Variants in TTLL4 observed in about 807,000 individuals in gnomAD.
TTLL4 encodes the protein tubulin monoglutamylase TTLL4.
In TTLL4, 85 loss-of-function variants were observed where a neutral mutation model predicts 122.7. The ratio of observed to expected loss-of-function variants is 0.69; its 90% CI spans 0.58 to 0.83. The LOEUF (loss-of-function observed/expected upper bound fraction) is 0.83. Ranked by LOEUF, TTLL4 falls within the 40% of genes least tolerant of loss-of-function variation. The pLI is 0.00. For synonymous variants in TTLL4, 553 were observed against 563.0 expected, an observed-to-expected ratio of 0.98 and a Z score of 0.25; for missense variants, 1,363 against 1,488.6, an observed-to-expected ratio of 0.92 and a Z score of 1.39.
chr2:218,747,129 C>T lies in TTLL4; in HGVS notation c.2101C>T (p.Gln701Ter). The T allele has an allele frequency of 6.2e-7, 1 of 1,614,208 alleles. No individual in the cohort carries two copies. Among genetic ancestry groups the T allele is most frequent in the Non-Finnish European group, 8.5e-7 (1 of 1,180,036 alleles). The stretch of plus-strand genomic sequence containing the variant: ...CTTCCCCCAGTCCTTTATCCTGCCC[C>T]AGGACGCCAAGCTCCTGCGCAAAGC... The part of the protein sequence containing the change: ...SFFPQSFILP[Q>*]DAKLLRKAWE... The change falls in exon 9 of 20, where the codon CAG becomes TAG. Residue 701 changes from glutamine (Q) to a stop codon, truncating the protein, a stop_gained. Coordinates refer to ENST00000392102, the MANE Select transcript of TTLL4 (RefSeq NM_014640.5). LOFTEE classifies it high-confidence loss of function. This position sits in a 1 kb window ranked among gnomAD's most constrained non-coding sequence, Gnocchi z 4.7.
At position 218,751,741 on chromosome 2, in the gene TTLL4, C is replaced by G. The variant is rs767398939; in HGVS notation, c.2911C>G (p.Pro971Ala). The change falls in exon 16 of 20, where the codon CCA becomes GCA. Residue 971 changes from proline (P) to alanine (A), a missense_variant. Coordinates refer to ENST00000392102, the MANE Select transcript of TTLL4 (RefSeq NM_014640.5). Reference sequence around the variant, plus strand: ...CCCTGGGGACAAATGTCGAATGGCTCCAGAGCATGTCACTGCACAGAAGAT... The same window carrying G: ...CCCTGGGGACAAATGTCGAATGGCTGCAGAGCATGTCACTGCACAGAAGAT... Reference protein sequence around the residue: ...TSPGDKCRMAPEHVTAQKMKK... With the variant: ...TSPGDKCRMAAEHVTAQKMKK... 6.2e-7 allele frequency: 1 copy of G among 1,613,660 alleles called. No homozygotes were observed. Among genetic ancestry groups the G allele is most frequent in the Non-Finnish European group, 8.5e-7 (1 of 1,179,724 alleles).
At chr2:218,732,987 G>A (rs1352510075) in intron 2 of TTLL4, among the ~76,000 whole-genome samples, 2 of 152,188 alleles carry the variant, frequency 1.3e-5, no homozygotes, top group African/African-American at 4.8e-5. Flanking sequence ...CATTCTTGAA[G>A]TTACTCTCTG....
chr2:218,734,596 C>T (rs1199318288), intron 2 of TTLL4, among the ~76,000 whole-genome samples: 1 of 152,084 alleles, frequency 6.6e-6, no homozygotes, highest in East Asian at 1.9e-4. Flanking sequence ...CCAGGAACAG[C>T]ACTTGTAAGG....
At chr2:218,748,043 T>C (rs767435534) in intron 11 of TTLL4, 62 bp from the exon 12 acceptor site, 8 of 1,603,982 alleles carry the variant, frequency 5.0e-6, no homozygotes, top group Non-Finnish European at 6.0e-6. Context: ...GGGAAATGTT[T>C]GGCCCCTTCT....
chr2:218,744,986 C>G (rs1440322244), intron 5 of TTLL4, 123 bp from the exon 6 acceptor site: 1 of 1,334,420 alleles, frequency 7.5e-7, no homozygotes, highest in African/African-American at 1.5e-5. Context: ...TTATTGAGCA[C>G]CTGGCTTTTT....
At chr2:218,749,159 C>G in intron 13 of TTLL4, 94 bp from the exon 14 acceptor site, 1 of 1,547,256 alleles carries the variant, frequency 6.5e-7, no homozygotes, top group Non-Finnish European at 8.7e-7. Flanking sequence ...TTGCTTCTGC[C>G]TGCCTATCTC....
Position 218,749,121 on chromosome 2 carries a change from G to T in TTLL4, c.2601-132G>T, listed in dbSNP as rs993975150. ...CCCAGGAGCTGGTCCCAGATCAGAG[G>T]TGTCACTTGAGAGCTACCTTTCCTG... On this transcript the variant is annotated intron_variant, in intron 13 of 19. Coordinates refer to ENST00000392102, the MANE Select transcript of TTLL4 (RefSeq NM_014640.5). The T allele has an allele frequency of 3.8e-5, 51 of 1,349,194 alleles. No homozygotes were observed. The Admixed American group carries it at 4.4e-4, about 12-fold the overall frequency. The allele number at this position is 1,349,194 out of a possible 1,614,324, so 83.6% of individuals were successfully genotyped here.
At chr2:218,753,756 A>G in intron 19 of TTLL4, 87 bp downstream of exon 19, 2 of 1,435,836 alleles carry the variant, frequency 1.4e-6, no homozygotes, top group South Asian at 2.3e-5. Flanking sequence ...TGTGGCAGTG[A>G]GATCAGCATT....
At position 218,737,728 on chromosome 2, in the gene TTLL4, A is replaced by G. The variant is rs1243924675; in HGVS notation, c.52A>G (p.Ser18Gly). ...HYSIGLRQKN[S>G]FKQSGPSGTV... ...TAGTATTGGCCTCCGCCAGAAAAACAGCTTCAAGCAGAGTGGTCCCTCAGG... is the reference window on the plus strand; with the variant it reads ...TAGTATTGGCCTCCGCCAGAAAAACGGCTTCAAGCAGAGTGGTCCCTCAGG... The change falls in exon 3 of 20, where the codon AGC becomes GGC. Residue 18 changes from serine to glycine, a missense_variant. Transcript: ENST00000392102. 6.2e-7 allele frequency: 1 copy of G among 1,613,764 alleles called. No individual in the cohort carries two copies. The highest frequency in any genetic ancestry group is 1.3e-5 in the African/African-American group (1 of 75,024).
rs1259751059 is a variant in TTLL4, at chr2:218,747,023, A to C, written c.1995A>C (p.Ser665=). Residue 665 remains serine (S), a synonymous_variant, in exon 9 of 20, where the codon TCA becomes TCC. Transcript: ENST00000392102. The surrounding 1 kb of genome is among the most constrained non-coding windows in gnomAD (Gnocchi z 4.7). ...TGTAGCTAAACCATTTCCCAGGCTCATTCCAGATTGGGAGGAAGGACCGGC... is the reference window on the plus strand; with the variant it reads ...TGTAGCTAAACCATTTCCCAGGCTCCTTCCAGATTGGGAGGAAGGACCGGC... ...EHQKLNHFPG[S]FQIGRKDRLW... is the part of the protein sequence containing the mutation. The C allele has an allele frequency of 6.2e-7, 1 of 1,614,168 alleles. No individual in the cohort carries two copies. The highest frequency in any genetic ancestry group is 2.2e-5 in the East Asian group (1 of 44,876).
intron 2 of TTLL4, among the ~76,000 whole-genome samples, chr2:218,732,550 G>A (rs1389956481): frequency 6.6e-6 from 1 of 152,092 alleles, no homozygotes; most frequent in African/African-American, 2.4e-5. Context: ...ATGTGCTGTC[G>A]GTAGGGTCTG....
chr2:218,712,893 T>G (rs1176852108), intron 1 of TTLL4, among the ~76,000 whole-genome samples: 1 of 152,214 alleles, frequency 6.6e-6, no homozygotes, highest in East Asian at 1.9e-4. Context: ...CCCAGAAGGC[T>G]TGCCAATACA....
In TTLL4 at chr2:218,754,564, T is replaced by C; in HGVS notation, c.*175T>C. 1 of 851,452 alleles carries C rather than the reference T, an allele frequency of 1.2e-6. No homozygotes were observed. The highest frequency in any genetic ancestry group is 1.8e-5 in the South Asian group (1 of 54,764). 52.7% of individuals were successfully genotyped at this position (851,452 alleles called of 1,614,324 possible). On this transcript the variant is annotated 3_prime_UTR_variant, in exon 20 of 20. Transcript: ENST00000392102. ...GGTATTTGTAGGGCCGGAGGGATGG[T>C]AGTGATGGGGAGAAGGTGAGGAAGG...
At chr2:218,753,954 C>T (rs182758194) in intron 19 of TTLL4, among the ~76,000 whole-genome samples, 180 bp from the exon 20 acceptor site, 1 of 152,338 alleles carries the variant, frequency 6.6e-6, no homozygotes, top group African/African-American at 2.4e-5. Flanking sequence ...CACTCTTGCA[C>T]TGCAGGTCTC....
At chr2:218,730,168 G>T (rs1159372627) in intron 2 of TTLL4, among the ~76,000 whole-genome samples, 3 of 151,832 alleles carry the variant, frequency 2.0e-5, no homozygotes, top group Non-Finnish European at 4.4e-5. Context: ...TTCTAGTATA[G>T]GGTCTAATAG....
chr2:218,751,684 C>G lies in TTLL4; in HGVS notation c.2874-20C>G. 6.2e-7 allele frequency: 1 copy of G among 1,610,092 alleles called. No individual in the cohort carries two copies. Among genetic ancestry groups the G allele is most frequent in the South Asian group, 1.1e-5 (1 of 90,634 alleles). On this transcript the variant is annotated intron_variant, in intron 15 of 19. Transcript: ENST00000392102. ...AGCTGCTGACCCTGCCCTTTGCTTT[C>G]TTTCTGGCCTCTGCCGTAGCCTGCC...
At chr2:218,736,613 TGTTTA>T (rs1942531690) in intron 2 of TTLL4, among the ~76,000 whole-genome samples, 1 of 152,114 alleles carries the variant, frequency 6.6e-6, no homozygotes, top group Non-Finnish European at 1.5e-5. Flanking sequence ...ATAATGCTGG[TGTTTA>T]GTTCAATTTC....
rs1943069631 is a variant in TTLL4, at chr2:218,753,166, T to A, written c.3239T>A (p.Val1080Asp). 2 of 1,614,118 alleles carry A rather than the reference T, an allele frequency of 1.2e-6. No individual in the cohort carries two copies. Among genetic ancestry groups the A allele is most frequent in the African/African-American group, 2.7e-5 (2 of 74,950 alleles). The stretch of plus-strand genomic sequence containing the variant: ...TACAAAGGGTTCCACATGGGAGTTG[T>A]CTCTGATTCTGCTCCAGTGGTGAGT... ...WCYKGFHMGVVSDSAPVWSLP... is the reference protein window; with the variant it reads ...WCYKGFHMGVDSDSAPVWSLP... The change falls in exon 18 of 20, where the codon GTC (valine) becomes GAC (aspartate). Residue 1080 changes from valine (V) to aspartate (D), a missense_variant. Val to Asp is a radical substitution (Grantham distance 152). This residue lies in a region of TTLL4 where 596 missense variants were observed against 655.8 expected (regional missense o/e 0.91). Coordinates refer to ENST00000392102, the MANE Select transcript of TTLL4 (RefSeq NM_014640.5).
In TTLL4 at chr2:218,748,911, T is replaced by A; in HGVS notation, c.2577T>A (p.Asp859Glu). The A allele has an allele frequency of 6.2e-7, 1 of 1,614,152 alleles. No homozygotes were observed. Residue 859 changes from aspartate to glutamate, a missense_variant, in exon 13 of 20, where the codon GAT (aspartate) becomes GAA (glutamate). By Grantham distance (45) the Asp-to-Glu change is conservative. Transcript: ENST00000392102. ...ACGCCATCTGGGAGAAGATAAAGGA[T>A]GTTGTTGTCAAAACTATCATCTCGT... is the stretch of plus-strand genomic sequence containing the variant. ...NSDAIWEKIK[D>E]VVVKTIISSE...
Sources: gnomAD v4.1 joint callset for allele counts (sites outside exome capture counted in the v4.1 genomes callset) on GRCh38, gnomAD v4.1.1 for gene constraint, gnomAD v4.1.1 regional missense constraint, Gnocchi (gnomAD v3.1) non-coding constraint, MANE v1.5 for transcripts, NCBI Gene and HGNC (gene_info 2026-07-23, HGNC 2026-07-21) for gene names.